The following CHD8 variants were observed in gnomAD, a reference collection of about 807,000 sequenced individuals.
CHD8 encodes the protein ATP-dependent chromatin remodeler CHD8.
Under a neutral mutation model 279.2 loss-of-function variants are expected in CHD8, and 31 were observed. That is an observed-to-expected ratio of 0.11 (90% CI 0.08 to 0.15). The LOEUF (loss-of-function observed/expected upper bound fraction) is 0.15. Ranked by LOEUF, CHD8 falls within the 10% of genes least tolerant of loss-of-function variation. The probability of loss-of-function intolerance (pLI) is 1.00; values close to 1 mark genes in which losing one functional copy is unlikely to be tolerated. For missense variants in CHD8, 2,146 were observed against 3,230.5 expected, an observed-to-expected ratio of 0.66 and a Z score of 8.14; for synonymous variants, 1,081 against 1,139.6, an observed-to-expected ratio of 0.95 and a Z score of 1.04.
intron 35 of CHD8, 67 bp from the exon 36 acceptor site, chr14:21,391,709 G>A (rs1887549676): frequency 1.3e-6 from 2 of 1,516,140 alleles, no homozygotes; most frequent in South Asian, 2.5e-5. Flanking sequence ...AGGGGGAGCA[G>A]GGCCAATGGT....
Position 21,405,697 on chromosome 14 carries a change from T to C in CHD8, c.3051+24A>G, listed in dbSNP as rs150422713. The C allele has an allele frequency of 1.2e-5, 20 of 1,612,410 alleles. No individual in the cohort carries two copies. The highest frequency in any genetic ancestry group is 2.2e-5 in the East Asian group (1 of 44,876). On this transcript the variant is annotated intron_variant, in intron 15 of 37. Coordinates refer to ENST00000646647, the MANE Select transcript of CHD8 (RefSeq NM_001170629.2). This position sits in a 1 kb window ranked among gnomAD's most constrained non-coding sequence, Gnocchi z 4.2. ...CTTCACCTTCTTTGTCCTGAGTTAG[T>C]ACCTCATCAGATAGATTTCCTACCT...
At chr14:21,399,551 G>A (rs369916059) in intron 26 of CHD8, 51 bp downstream of exon 26, 45 of 1,298,912 alleles carry the variant, frequency 3.5e-5, no homozygotes, top group African/African-American at 1.2e-4. Context: ...TGTTCCATCC[G>A]TGAACATAAA....
intron 2 of CHD8, chr14:21,429,577 G>C: frequency 1.6e-6 from 1 of 619,318 alleles, no homozygotes; most frequent in Non-Finnish European, 3.0e-6. Flanking sequence ...CACTACTGCT[G>C]ATCAGCAAGG....
At chr14:21,436,945 G>C (rs1204691332) in intron 1 of CHD8, 1 of 1,288,490 alleles carries the variant, frequency 7.8e-7, no homozygotes, top group African/African-American at 1.5e-5. Context: ...CCATACAGCA[G>C]AGGCGGAAGA....
chr14:21,427,823 T>A (rs1889393032), intron 4 of CHD8, 46 bp downstream of exon 4: 1 of 1,592,130 alleles, frequency 6.3e-7, no homozygotes, highest in Non-Finnish European at 8.6e-7. Context: ...AGTACTCACT[T>A]GAGCTTACTC....
intron 5 of CHD8, among the ~76,000 whole-genome samples, chr14:21,421,529 T>C (rs1052716929): frequency 1.3e-5 from 2 of 152,142 alleles, no homozygotes; most frequent in African/African-American, 4.8e-5. Context: ...TGAGAACATA[T>C]TCATAAGGTA....
intron 5 of CHD8, among the ~76,000 whole-genome samples, chr14:21,418,417 G>T (rs766976990): frequency 6.6e-6 from 1 of 152,160 alleles, no homozygotes; most frequent in Non-Finnish European, 1.5e-5. Flanking sequence ...CTACTAGGGA[G>T]GCTGAGGCAT....
chr14:21,428,557 T>TA lies in CHD8; in HGVS notation c.1216-304dup, dbSNP rs1385783062. 2.0e-5 allele frequency among the ~76,000 whole-genome samples: 3 copies of TA among 152,198 alleles called. No individual in the cohort carries two copies. The East Asian group carries it at 5.8e-4, about 29-fold the overall frequency. ...ATATACCCAATATTGGTCTCTGGCCTAACGGTAAAAAAATTCAAATTCTAC... is the reference window on the plus strand; with the variant it reads ...ATATACCCAATATTGGTCTCTGGCCTAAACGGTAAAAAAATTCAAATTCTAC... On this transcript the variant is annotated intron_variant, in intron 3 of 37. Transcript: ENST00000646647.
At chr14:21,440,352 G>A (rs12101068) in intron 1 of CHD8, among the ~76,000 whole-genome samples, 153 of 151,970 alleles carry the variant, frequency 1.0e-3, no homozygotes, top group African/African-American at 2.6e-3. Context: ...GATTACAGGC[G>A]TCCACCACCA....
chr14:21,404,964 TA>T (rs1386252946), intron 16 of CHD8: 3 of 490,978 alleles, frequency 6.1e-6, no homozygotes, highest in African/African-American at 3.9e-5. Flanking sequence ...CCAAAGTAGC[TA>T]GAACCACAGA....
Position 21,402,632 on chromosome 14 carries a change from AG to A in CHD8, c.3715-130del, listed in dbSNP as rs1888088104. 1.1e-6 allele frequency: 1 copy of A among 900,474 alleles called. No individual in the cohort carries two copies. The highest frequency in any genetic ancestry group is 2.7e-5 in the East Asian group (1 of 37,096). 55.8% of individuals were successfully genotyped at this position (900,474 alleles called of 1,614,324 possible). A position where few individuals can be genotyped will look rare whatever the true frequency, so the allele number is the denominator to read the frequency against. On this transcript the variant is annotated intron_variant, in intron 18 of 37. Transcript: ENST00000646647. The surrounding 1 kb of genome is among the most constrained non-coding windows in gnomAD (Gnocchi z 4.5). ...GCCATGAGATCAACTCAAAACCAAGAGTCAATTTCAAGATGAAATTATCACC... is the reference window on the plus strand; with the variant it reads ...GCCATGAGATCAACTCAAAACCAAGATCAATTTCAAGATGAAATTATCACC...
rs754434536 is a variant in CHD8, at chr14:21,391,416, T to TAC, written c.7065+45_7065+46dup. Reference sequence around the variant, plus strand: ...CTTTCTCTTTCTCATGCAGCTTAAATACCAAAGGAATGACTTTAAATCTTG... The same window carrying TAC: ...CTTTCTCTTTCTCATGCAGCTTAAATACACCAAAGGAATGACTTTAAATCTTG... On this transcript the variant is annotated intron_variant, in intron 36 of 37. Transcript: ENST00000646647. 6 of 1,568,382 alleles carry TAC rather than the reference T, an allele frequency of 3.8e-6. No individual in the cohort carries two copies. In the African/African-American group the frequency reaches 8.1e-5, roughly 21 times the overall value.
Position 21,406,996 on chromosome 14 carries a change from G to C in CHD8, c.2767C>G (p.Leu923Val). The change falls in exon 14 of 38, where the codon CTG becomes GTG. Residue 923 changes from leucine (L) to valine (V), a missense_variant. Transcript: ENST00000646647. ...LIPGAYKFDA[L>V]ITTFEMILSD... is the part of the protein sequence containing the mutation. ...AAAATCATCTCAAAAGTGGTGATCA[G>C]AGCGTCAAACTTGTATGCGCCTGGG... 6.3e-7 allele frequency: 1 copy of C among 1,599,276 alleles called. No individual in the cohort carries two copies. Among genetic ancestry groups the C allele is most frequent in the Non-Finnish European group, 8.5e-7 (1 of 1,172,404 alleles).
At position 21,409,756 on chromosome 14, in the gene CHD8, CATA is replaced by C. The variant is rs963179000; in HGVS notation, c.2364+92_2364+94del. On this transcript the variant is annotated intron_variant, in intron 11 of 37. Coordinates refer to ENST00000646647, the MANE Select transcript of CHD8 (RefSeq NM_001170629.2). Reference sequence around the variant, plus strand: ...TCGATTTTTATATGTTTGAAATTTCCATAATAAAAAGCTAAAACAACAAAAAAT... The same window carrying C: ...TCGATTTTTATATGTTTGAAATTTCCATAAAAAGCTAAAACAACAAAAAAT... 1.0e-5 allele frequency: 12 copies of C among 1,173,546 alleles called. No homozygotes were observed. In the Admixed American group the frequency reaches 2.8e-4, roughly 27 times the overall value. 72.7% of individuals were successfully genotyped at this position (1,173,546 alleles called of 1,614,324 possible). A position where few individuals can be genotyped will look rare whatever the true frequency, so the allele number is the denominator to read the frequency against.
intron 1 of CHD8, among the ~76,000 whole-genome samples, chr14:21,447,426 C>T (rs1293899434): frequency 6.7e-6 from 1 of 149,792 alleles, no homozygotes; most frequent in African/African-American, 2.5e-5. Context: ...GGTTTGAATG[C>T]AGTACCACGA....
In CHD8 at chr14:21,405,130, C is replaced by A. The variant is rs1888205904; in HGVS notation, c.3307+79G>T. On this transcript the variant is annotated intron_variant, in intron 16 of 37. Transcript: ENST00000646647. The surrounding 1 kb of genome is among the most constrained non-coding windows in gnomAD (Gnocchi z 4.2). ...ATTAGGTTGGTTGAGTCAATGCATC[C>A]ATTGTCCCCAAGGAGAATCATCCGG... is the stretch of plus-strand genomic sequence containing the variant. 7.0e-7 allele frequency: 1 copy of A among 1,435,620 alleles called. No homozygotes were observed. Among genetic ancestry groups the A allele is most frequent in the African/African-American group, 1.4e-5 (1 of 71,358 alleles). The allele number at this position is 1,435,620 out of a possible 1,614,324, so 88.9% of individuals were successfully genotyped here.
At chr14:21,415,471 C>T (rs1408227505) in intron 7 of CHD8, 103 bp downstream of exon 7, 1 of 642,900 alleles carries the variant, frequency 1.6e-6, no homozygotes, top group Non-Finnish European at 2.2e-6. Flanking sequence ...AGCCACTGCA[C>T]TTTAGCCTGG....
In CHD8 at chr14:21,395,118, G is replaced by A. The variant is rs1276157868; in HGVS notation, c.5184C>T (p.Ala1728=). Residue 1728 remains alanine (A), a splice_region_variant and synonymous_variant, in exon 30 of 38, where the codon GCC becomes GCT. Coordinates refer to ENST00000646647, the MANE Select transcript of CHD8 (RefSeq NM_001170629.2). ...AATGGCCTGGCTGTTGGGTCACCTG[G>A]GCTGTGGAAAACAAAGTAGAATGAA... is the stretch of plus-strand genomic sequence containing the variant. The part of the protein sequence containing the change: ...EEISVIDGDE[A]QVTQQPGHLF... 2.5e-6 allele frequency: 4 copies of A among 1,613,018 alleles called. No individual in the cohort carries two copies. Among genetic ancestry groups the A allele is most frequent in the African/African-American group, 1.3e-5 (1 of 74,902 alleles).
chr14:21,392,848 G>A, intron 33 of CHD8, 39 bp from the exon 34 acceptor site: 1 of 1,588,816 alleles, frequency 6.3e-7, no homozygotes, highest in South Asian at 1.1e-5. Context: ...TTAAGAGTCT[G>A]AGTACTAGCT....
Sources: allele counts gnomAD v4.1 joint callset (sites outside exome capture counted in the v4.1 genomes callset), GRCh38; gene constraint gnomAD v4.1.1; non-coding constraint Gnocchi (gnomAD v3.1); transcripts MANE v1.5; gene names NCBI Gene and HGNC (gene_info 2026-07-23, HGNC 2026-07-21).